PHACTR4: variants seen among roughly 807,000 people sequenced by gnomAD.
The protein encoded by PHACTR4 is protein phosphatase 1, regulatory subunit 124.
Under a neutral mutation model 72.7 loss-of-function variants are expected in PHACTR4, and 51 were observed. That is an observed-to-expected ratio of 0.70 (90% confidence interval 0.56 to 0.89). PHACTR4 has a LOEUF of 0.89. Ranked by LOEUF, PHACTR4 falls within the 40% of genes least tolerant of loss-of-function variation. PHACTR4 has a pLI of 0.00. For missense variants in PHACTR4, 731 were observed against 861.8 expected (o/e 0.85, Z 1.90); for synonymous variants, 255 against 302.5 (o/e 0.84, Z 1.63).
chr1:28,485,116 C>G (rs1660549262), intron 9 of PHACTR4, among the ~76,000 whole-genome samples: 1 of 152,124 alleles, frequency 6.6e-6, no homozygotes, highest in African/African-American at 2.4e-5. Context: ...CTGCATGATT[C>G]CACTTCTGCG....
intron 2 of PHACTR4, chr1:28,457,217 A>G (rs568758826): frequency 6.9e-5 from 27 of 392,588 alleles, no homozygotes; most frequent in South Asian, 4.9e-4. Context: ...ATCAAGTGAA[A>G]AAAAGATTGA....
intron 2 of PHACTR4, among the ~76,000 whole-genome samples, chr1:28,430,319 C>T (rs577457779): frequency 6.6e-5 from 10 of 152,278 alleles, no homozygotes; most frequent in South Asian, 2.1e-4. Context: ...CCACTGCGCC[C>T]GGCCTTCCAG....
chr1:28,459,106 C>A lies in PHACTR4; in HGVS notation c.38C>A (p.Thr13Lys). ...ACAGAGGAAGCAGACCAGCCCACTA[C>A]AGAGCCAGGCATGGTCCTGGACAGT... ...DPFEEADQPTTEPGMVLDSVE... is the reference protein window; with the variant it reads ...DPFEEADQPTKEPGMVLDSVE... Residue 13 changes from threonine (T) to lysine (K), a missense_variant, in exon 3 of 14, where the codon ACA becomes AAA. By Grantham distance (78) the Thr-to-Lys change is moderately conservative. This residue lies in a region of PHACTR4 where 621 missense variants were observed against 676.6 expected (regional missense o/e 0.92). Transcript: ENST00000373839. 1 of 1,612,246 alleles carries A rather than the reference C, an allele frequency of 6.2e-7. No homozygotes were observed. The highest frequency in any genetic ancestry group is 8.5e-7 in the Non-Finnish European group (1 of 1,179,272).
chr1:28,432,367 CTCTCT>C (rs1298626079), intron 2 of PHACTR4, among the ~76,000 whole-genome samples: 3 of 135,612 alleles, frequency 2.2e-5, no homozygotes, highest in African/African-American at 8.8e-5. Flanking sequence ...GGATCTCTCT[CTCTCT>C]TTTTTTTTTT....
At chr1:28,372,922 C>G (rs942013664) in intron 1 of PHACTR4, among the ~76,000 whole-genome samples, 1 of 149,970 alleles carries the variant, frequency 6.7e-6, no homozygotes, top group Non-Finnish European at 1.5e-5. Context: ...CTTAATTGTA[C>G]AAACATGACA....
chr1:28,410,552 T>C (rs1289534490), intron 2 of PHACTR4, among the ~76,000 whole-genome samples: 1 of 152,176 alleles, frequency 6.6e-6, no homozygotes, highest in Non-Finnish European at 1.5e-5. Flanking sequence ...TAAATATAAC[T>C]TAAATTTTCT....
chr1:28,437,558 T>A (rs1656711175), intron 2 of PHACTR4, among the ~76,000 whole-genome samples: 1 of 152,210 alleles, frequency 6.6e-6, no homozygotes, highest in South Asian at 2.1e-4. Context: ...CAGTTCTGGA[T>A]ACTGGGAAGT....
At chr1:28,473,428 A>T in intron 6 of PHACTR4, 126 bp from the exon 7 acceptor site, 1 of 756,288 alleles carries the variant, frequency 1.3e-6, no homozygotes, top group Admixed American at 2.4e-5. Context: ...GGGAATGGCA[A>T]AACTATGAAA....
chr1:28,377,085 A>G (rs1335769883), intron 1 of PHACTR4, among the ~76,000 whole-genome samples: 1 of 151,890 alleles, frequency 6.6e-6, no homozygotes, highest in Admixed American at 6.6e-5. Flanking sequence ...GCTCACCACC[A>G]TGCCCGGCTA....
chr1:28,389,107 T>A (rs1446185792), intron 1 of PHACTR4, among the ~76,000 whole-genome samples: 2 of 151,866 alleles, frequency 1.3e-5, no homozygotes, highest in Non-Finnish European at 2.9e-5. Context: ...ATTTGTAAAC[T>A]ATATGTATGA....
At chr1:28,471,340 T>TC (rs1319111123) in intron 6 of PHACTR4, among the ~76,000 whole-genome samples, 1 of 152,104 alleles carries the variant, frequency 6.6e-6, no homozygotes, top group East Asian at 1.9e-4. Context: ...CGAGTGAAAC[T>TC]CCATCTCAAA....
chr1:28,463,765 C>G (rs894573603), intron 4 of PHACTR4, among the ~76,000 whole-genome samples: 1 of 152,192 alleles, frequency 6.6e-6, no homozygotes, highest in African/African-American at 2.4e-5. Flanking sequence ...TTGGATTTCA[C>G]TCTGTCACCC....
chr1:28,482,118 G>A (rs754828980), intron 9 of PHACTR4, among the ~76,000 whole-genome samples: 3 of 151,992 alleles, frequency 2.0e-5, no homozygotes, highest in Non-Finnish European at 2.9e-5. Context: ...GGCTGGTCTC[G>A]ATCTCCTGAC....
At chr1:28,473,191 G>A (rs531538817) in intron 6 of PHACTR4, among the ~76,000 whole-genome samples, 123 of 150,994 alleles carry the variant, frequency 8.1e-4, no homozygotes, top group Admixed American at 1.1e-3. Context: ...CAGGAGTATC[G>A]CTTGAGCCCG....
intron 1 of PHACTR4, among the ~76,000 whole-genome samples, chr1:28,390,556 G>A (rs1040369349): frequency 6.6e-6 from 1 of 152,118 alleles, no homozygotes; most frequent in Non-Finnish European, 1.5e-5. Flanking sequence ...TTGGGAGGTC[G>A]AGGCGGGTGG....
intron 1 of PHACTR4, among the ~76,000 whole-genome samples, chr1:28,387,827 C>G (rs898469751): frequency 1.3e-5 from 2 of 151,954 alleles, no homozygotes; most frequent in Non-Finnish European, 2.9e-5. Flanking sequence ...TCCCAGGTTC[C>G]AGCGATTCTC....
At chr1:28,379,162 C>G (rs1367791345) in intron 1 of PHACTR4, among the ~76,000 whole-genome samples, 1 of 152,156 alleles carries the variant, frequency 6.6e-6, no homozygotes. Flanking sequence ...GCCACATTGC[C>G]TAGGCTGGTC....
chr1:28,493,005 T>C lies in PHACTR4; in HGVS notation c.2017-10T>C, dbSNP rs1459877656. The C allele has an allele frequency of 1.9e-6, 3 of 1,606,574 alleles. No homozygotes were observed. The African/African-American group carries it at 4.0e-5, about 22-fold the overall frequency. On this transcript the variant is annotated splice_polypyrimidine_tract_variant and intron_variant, in intron 12 of 13. Coordinates refer to ENST00000373839, the MANE Select transcript of PHACTR4 (RefSeq NM_001048183.3). ...GAAGAAGCTGAAACATTTTTGTCTC[T>C]ACTCCACAGGCTGCCATAAGAAAAG...
At chr1:28,494,517 G>A (rs1661227687) in intron 13 of PHACTR4, among the ~76,000 whole-genome samples, 1 of 152,152 alleles carries the variant, frequency 6.6e-6, no homozygotes, top group Non-Finnish European at 1.5e-5. Flanking sequence ...AGCCGGGCAT[G>A]GTGGCATGCC....
Sources: gnomAD v4.1 joint callset for allele counts (sites outside exome capture counted in the v4.1 genomes callset) on GRCh38, gnomAD v4.1.1 for gene constraint, gnomAD v4.1.1 regional missense constraint, MANE v1.5 for transcripts, NCBI Gene and HGNC (gene_info 2026-07-23, HGNC 2026-07-21) for gene names.